Variants in NECAP2 observed in about 807,000 individuals in gnomAD.
NECAP2 encodes the protein adaptin ear-binding coat-associated protein 2.
NECAP2 carries 38 observed loss-of-function variants against 37.8 expected under a neutral mutation model. That is an observed-to-expected ratio of 1.01 (90% CI 0.78 to 1.32). The LOEUF (loss-of-function observed/expected upper bound fraction) is 1.32, where lower values mean the gene tolerates loss of function less well. Among genes scored for constraint, NECAP2 ranks in the 40% most tolerant of loss-of-function variants. NECAP2 has a pLI of 0.00. For missense variants in NECAP2, 316 were observed against 334.5 expected, an observed-to-expected ratio of 0.94 and a Z score of 0.43; for synonymous variants, 121 against 127.7, an observed-to-expected ratio of 0.95 and a Z score of 0.35.
At chr1:16,441,672 T>A (rs2086692237) in intron 1 of NECAP2, 1 of 152,198 alleles carries the variant, frequency 6.6e-6, no homozygotes, top group Non-Finnish European at 1.5e-5. Context: ...GTGCTCGTAT[T>A]TGCGGGGGCC....
At chr1:16,446,607 C>T (rs967332003) in intron 2 of NECAP2, among the ~76,000 whole-genome samples, 1 of 151,686 alleles carries the variant, frequency 6.6e-6, no homozygotes, top group Non-Finnish European at 1.5e-5. Context: ...TGGAGTGGCA[C>T]AATCTCAGCT....
chr1:16,455,739 C>T (rs1415638252), intron 6 of NECAP2, 79 bp from the exon 7 acceptor site: 1 of 1,148,760 alleles, frequency 8.7e-7, no homozygotes, highest in South Asian at 1.2e-5. Context: ...ATGATTTGGT[C>T]ATTGAAACAA....
chr1:16,445,151 C>T (rs12071176), intron 2 of NECAP2, among the ~76,000 whole-genome samples: 22,438 of 152,240 alleles, frequency 0.15, 2,650 homozygotes, highest in African/African-American at 0.32. Context: ...GACTCCCTAA[C>T]GTAACAGGCA....
chr1:16,451,933 A>T lies in NECAP2; in HGVS notation c.585A>T (p.Lys195Asn). The T allele has an allele frequency of 3.1e-6, 5 of 1,613,816 alleles. No individual in the cohort carries two copies. The East Asian group carries it at 1.1e-4, about 36-fold the overall frequency. Residue 195 changes from lysine (K) to asparagine (N), a missense_variant, in exon 6 of 8, where the codon AAA (lysine) becomes AAT (asparagine). By Grantham distance (94) the Lys-to-Asn change is moderately conservative. This residue lies in a region of NECAP2 where 204 missense variants were observed against 188.6 expected (regional missense o/e 1.08). Transcript: ENST00000337132. The part of the protein sequence containing the change: ...LSLLPPPPGG[K>N]TSTLIPPPGE... ...TGCTTCCCCCTCCCCCAGGGGGGAA[A>T]ACCTCCACCCTGATCCCTCCCCCTG...
At chr1:16,452,783 G>A (rs541811174) in intron 6 of NECAP2, among the ~76,000 whole-genome samples, 10 of 130,756 alleles carry the variant, frequency 7.6e-5, no homozygotes, top group East Asian at 2.4e-4. Flanking sequence ...CCCGCCCGCC[G>A]CCCCGCCCAG....
chr1:16,456,644 T>C (rs2086924077), intron 7 of NECAP2, among the ~76,000 whole-genome samples: 1 of 152,168 alleles, frequency 6.6e-6, no homozygotes, highest in Non-Finnish European at 1.5e-5. Flanking sequence ...CTCAAGACTT[T>C]ACTTGGGGCC....
At chr1:16,443,116 G>A (rs1040848998) in intron 1 of NECAP2, among the ~76,000 whole-genome samples, 4 of 152,192 alleles carry the variant, frequency 2.6e-5, no homozygotes, top group Non-Finnish European at 5.9e-5. Flanking sequence ...GTCAAGCAGT[G>A]TCAGAAACAG....
intron 6 of NECAP2, among the ~76,000 whole-genome samples, chr1:16,452,515 C>T (rs2086860285): frequency 6.6e-6 from 1 of 152,078 alleles, no homozygotes; most frequent in South Asian, 2.1e-4. Flanking sequence ...GAGAAGAACA[C>T]GAATGAGGCC....
At chr1:16,446,069 G>A (rs770269440) in intron 2 of NECAP2, among the ~76,000 whole-genome samples, 5 of 152,130 alleles carry the variant, frequency 3.3e-5, no homozygotes, top group Admixed American at 1.3e-4. Context: ...TTAGCCGGGC[G>A]TGGTGGTGCA....
chr1:16,447,728 G>A (rs2086783646), intron 2 of NECAP2, 142 bp from the exon 3 acceptor site: 3 of 671,178 alleles, frequency 4.5e-6, no homozygotes, highest in Non-Finnish European at 8.1e-6. Flanking sequence ...GAATGGATTC[G>A]ATTTGAATCC....
chr1:16,442,039 T>C (rs1027501308), intron 1 of NECAP2, among the ~76,000 whole-genome samples: 2 of 150,018 alleles, frequency 1.3e-5, no homozygotes, highest in Non-Finnish European at 3.0e-5. Flanking sequence ...AGTGCAATGG[T>C]GCGATCTCGG....
chr1:16,448,940 C>T (rs1401064801), intron 4 of NECAP2, among the ~76,000 whole-genome samples, 153 bp from the exon 5 acceptor site: 2 of 152,172 alleles, frequency 1.3e-5, no homozygotes, highest in Non-Finnish European at 2.9e-5. Flanking sequence ...GATTTGAATT[C>T]AGGCCTCACT....
At chr1:16,442,080 G>A (rs1015292971) in intron 1 of NECAP2, among the ~76,000 whole-genome samples, 6 of 151,228 alleles carry the variant, frequency 4.0e-5, no homozygotes, top group Non-Finnish European at 8.8e-5. Context: ...CCGGATTCAA[G>A]CGATTCTCCT....
intron 6 of NECAP2, 140 bp from the exon 7 acceptor site, chr1:16,455,678 T>A (rs1282831978): frequency 1.4e-5 from 9 of 665,896 alleles, no homozygotes. Flanking sequence ...AAAGCATGTC[T>A]GGTGTGGCTT....
chr1:16,441,559 G>T (rs2086690541), intron 1 of NECAP2: 1 of 151,984 alleles, frequency 6.6e-6, no homozygotes, highest in Admixed American at 6.6e-5. Context: ...CTCTTTGTAT[G>T]CGTTATCTAT....
intron 6 of NECAP2, among the ~76,000 whole-genome samples, chr1:16,452,439 G>A (rs996702394): frequency 6.6e-6 from 1 of 152,138 alleles, no homozygotes. Context: ...TTTCATGAAA[G>A]AGGTGACATT....
chr1:16,441,002 G>T, intron 1 of NECAP2, 149 bp downstream of exon 1: 2 of 644,566 alleles, frequency 3.1e-6, no homozygotes, highest in South Asian at 1.9e-5. Flanking sequence ...CCAGGCCCGA[G>T]CAGGGAGGTG....
intron 6 of NECAP2, among the ~76,000 whole-genome samples, chr1:16,455,269 A>C (rs2086900365): frequency 6.6e-6 from 1 of 152,182 alleles, no homozygotes; most frequent in Non-Finnish European, 1.5e-5. Flanking sequence ...GTGGAGAGAT[A>C]GGATTGAGCT....
Position 16,451,991 on chromosome 1 carries a change from C to A in NECAP2, c.643C>A (p.Gln215Lys). The A allele has an allele frequency of 1.2e-6, 2 of 1,600,790 alleles. No individual in the cohort carries two copies. Among genetic ancestry groups the A allele is most frequent in the South Asian group, 1.1e-5 (1 of 89,408 alleles). The change falls in exon 6 of 8, where the codon CAG becomes AAG. Residue 215 changes from glutamine (Q) to lysine (K), a missense_variant. Physicochemically the swap from Gln to Lys is moderately conservative, Grantham distance 53 (BLOSUM62 1). Transcript: ENST00000337132. ...EQLAVGGSLV[Q>K]PAVAPSSGGA... ...GTTGGCTGTGGGGGGATCCCTCGTCCAGCCAGCAGTTGCTCCCAGTTCAGG... is the reference window on the plus strand; with the variant it reads ...GTTGGCTGTGGGGGGATCCCTCGTCAAGCCAGCAGTTGCTCCCAGTTCAGG...
Sources: allele counts gnomAD v4.1 joint callset (sites outside exome capture counted in the v4.1 genomes callset), GRCh38; gene constraint gnomAD v4.1.1; regional missense constraint gnomAD v4.1.1; transcripts MANE v1.5; gene names NCBI Gene and HGNC (gene_info 2026-07-23, HGNC 2026-07-21).